SCAF11: variants seen among roughly 807,000 people sequenced by gnomAD.
SCAF11 encodes the protein protein SCAF11.
In SCAF11, 47 loss-of-function variants were observed where a neutral mutation model predicts 140.5. The observed-to-expected ratio is 0.33, with a 90% confidence interval of 0.26 to 0.43. The LOEUF is 0.43. SCAF11 is among the 20% of genes least tolerant of loss of function. SCAF11 has a pLI of 1.00. For synonymous variants in SCAF11, 557 were observed against 579.4 expected (o/e 0.96, Z 0.55); for missense variants, 1,645 against 1,705.1 (o/e 0.96, Z 0.62).
intron 6 of SCAF11, among the ~76,000 whole-genome samples, chr12:45,940,694 ACTTC>A (rs1945275317): frequency 6.6e-6 from 1 of 152,242 alleles, no homozygotes; most frequent in Non-Finnish European, 1.5e-5. Context: ...CTTTTGGAAT[ACTTC>A]AACCAGGTTA....
chr12:45,934,655 C>T (rs777394821), intron 6 of SCAF11, 150 bp from the exon 7 acceptor site: 4 of 480,264 alleles, frequency 8.3e-6, no homozygotes, highest in Non-Finnish European at 1.4e-5. Flanking sequence ...CACAATTTTC[C>T]CAAATGCTGA....
rs749686159 is a variant in SCAF11 at position 45,927,107 on chromosome 12, C to A, written c.2594G>T (p.Arg865Leu). Residue 865 changes from arginine (R) to leucine (L), a missense_variant, in exon 11 of 15, where the codon CGG (arginine) becomes CTG (leucine). Arg to Leu is a moderately radical substitution (Grantham distance 102, BLOSUM62 -2). Coordinates refer to ENST00000369367, the MANE Select transcript of SCAF11 (RefSeq NM_004719.3). ...CCTAGTAGTATCCCTTTTTGGAGAC[C>A]GAGACTGAGATTGCCTCCTTTCTCT... The part of the protein sequence containing the change: ...IARERRQSQS[R>L]SPKRDTTRES... 3 of 1,613,880 alleles carry A rather than the reference C, an allele frequency of 1.9e-6. No individual in the cohort carries two copies. Among genetic ancestry groups the A allele is most frequent in the Non-Finnish European group, 2.5e-6 (3 of 1,179,950 alleles).
rs928721193 is a variant in SCAF11 at position 45,951,554 on chromosome 12, G to C, written c.297+96C>G. ...ATTAAAATAACATATTAAACCTTAA[G>C]TTGAACAATTTTCAAATATACACAA... On this transcript the variant is annotated intron_variant, in intron 4 of 14. Transcript: ENST00000369367. The C allele has an allele frequency of 3.9e-6, 3 of 772,454 alleles. No individual in the cohort carries two copies. The African/African-American group carries it at 5.2e-5, about 13-fold the overall frequency. The allele number at this position is 772,454 out of a possible 1,614,324, so 47.8% of individuals were successfully genotyped here. A position where few individuals can be genotyped will look rare whatever the true frequency, so the allele number is the denominator to read the frequency against.
At chr12:45,956,096 C>T (rs1945685879) in intron 3 of SCAF11, 1 of 715,140 alleles carries the variant, frequency 1.4e-6, no homozygotes, top group Admixed American at 2.0e-5. Context: ...AACAAGAAAC[C>T]TTCCTTATTT....
At chr12:45,979,025 C>T (rs969568854) in intron 1 of SCAF11, among the ~76,000 whole-genome samples, 4 of 151,732 alleles carry the variant, frequency 2.6e-5, no homozygotes, top group Non-Finnish European at 2.9e-5. Flanking sequence ...GGTGAGGATC[C>T]GGTCCCTGCT....
At chr12:45,955,844 C>T in intron 3 of SCAF11, 1 of 303,300 alleles carries the variant, frequency 3.3e-6, no homozygotes. Flanking sequence ...AGTCTAATAA[C>T]ATCATTGGCT....
rs1195897123 is a variant in SCAF11 at position 45,927,222 on chromosome 12, T to C, written c.2479A>G (p.Ser827Gly). 6.2e-7 allele frequency: 1 copy of C among 1,614,178 alleles called. No individual in the cohort carries two copies. The highest frequency in any genetic ancestry group is 1.7e-5 in the Admixed American group (1 of 60,020). Residue 827 changes from serine to glycine, a missense_variant, in exon 11 of 15, where the codon AGC becomes GGC. Physicochemically the swap from Ser to Gly is moderately conservative, Grantham distance 56. Transcript: ENST00000369367. Reference protein sequence around the residue: ...PSPRRETGKESRKSQSPSPKN... With the variant: ...PSPRRETGKEGRKSQSPSPKN... ...GGAGATGGTGATTGAGACTTCCTGC[T>C]TTCTTTCCCAGTTTCTCTTCTGGGA... is the stretch of plus-strand genomic sequence containing the variant.
intron 6 of SCAF11, among the ~76,000 whole-genome samples, chr12:45,938,759 T>A (rs765720864): frequency 4.0e-5 from 6 of 150,792 alleles, no homozygotes; most frequent in Non-Finnish European, 8.8e-5. Flanking sequence ...AACCCAGTAC[T>A]TGGCAGGCAT....
chr12:45,977,956 G>A (rs1429918248), intron 1 of SCAF11, among the ~76,000 whole-genome samples: 2 of 152,080 alleles, frequency 1.3e-5, no homozygotes, highest in Admixed American at 1.3e-4. Flanking sequence ...TGATAGCATG[G>A]GTGATCACCA....
chr12:45,956,078 A>T (rs1319443289), intron 3 of SCAF11: 8 of 713,078 alleles, frequency 1.1e-5, no homozygotes, highest in Non-Finnish European at 2.1e-5. Flanking sequence ...CCCACATTTA[A>T]ATGTAAGAAC....
chr12:45,974,013 T>A (rs891825516), intron 1 of SCAF11, among the ~76,000 whole-genome samples: 1 of 152,188 alleles, frequency 6.6e-6, no homozygotes, highest in African/African-American at 2.4e-5. Flanking sequence ...TACAGGCATA[T>A]ATACCTCAAA....
At chr12:45,970,299 C>T (rs567100929) in intron 1 of SCAF11, among the ~76,000 whole-genome samples, 21 of 152,134 alleles carry the variant, frequency 1.4e-4, no homozygotes, top group African/African-American at 3.9e-4. Context: ...CCTAAAATGC[C>T]GGGATTACAA....
chr12:45,972,219 C>T (rs980558580), intron 1 of SCAF11, among the ~76,000 whole-genome samples: 1 of 152,088 alleles, frequency 6.6e-6, no homozygotes, highest in Admixed American at 6.5e-5. Context: ...AGTTAAAAAA[C>T]TACAACCTAC....
At chr12:45,932,034 T>C (rs1421513147) in intron 9 of SCAF11, among the ~76,000 whole-genome samples, 1 of 151,944 alleles carries the variant, frequency 6.6e-6, no homozygotes, top group Non-Finnish European at 1.5e-5. Context: ...TTTACCAAAG[T>C]GTGTGCATAT....
intron 6 of SCAF11, 26 bp downstream of exon 6, chr12:45,945,223 G>C: frequency 1.4e-6 from 2 of 1,408,794 alleles, no homozygotes. Context: ...AAAAAAGGTA[G>C]AATCCACAAG....
chr12:45,951,761 A>G, intron 3 of SCAF11, 34 bp from the exon 4 acceptor site: 2 of 1,337,292 alleles, frequency 1.5e-6, no homozygotes, highest in Non-Finnish European at 2.1e-6. Flanking sequence ...ATCTTTACAA[A>G]TGTTTCTTTA....
chr12:45,991,813 T>C, upstream of SCAF11: 1 of 1,111,250 alleles, frequency 9.0e-7, no homozygotes, highest in Non-Finnish European at 1.1e-6. Flanking sequence ...GACCTTCCAG[T>C]CCTCCCACCC....
intron 12 of SCAF11, among the ~76,000 whole-genome samples, chr12:45,924,232 C>CTT (rs1421116026): frequency 6.6e-6 from 1 of 152,186 alleles, no homozygotes; most frequent in Non-Finnish European, 1.5e-5. Flanking sequence ...CACAGAGGCA[C>CTT]TTCTCCTTTC....
chr12:45,926,448 T>C lies in SCAF11; in HGVS notation c.3253A>G (p.Ser1085Gly). The change falls in exon 11 of 15, where the codon AGT (serine) becomes GGT (glycine). Residue 1085 changes from serine to glycine, a missense_variant. Ser to Gly is a moderately conservative substitution (Grantham distance 56). Around this residue, in one of 2 missense-constraint regions of SCAF11, gnomAD observed 1,582 missense variants for 1,609.2 expected, o/e 0.98. Transcript: ENST00000369367. ...TTCTGATCTTTATAGGCAAAACTAC[T>C]TCTGTAAGTGCCTCTGCCACGGTTG... ...RGNRGRGTYR[S>G]SFAYKDQNEN... 1 of 1,614,234 alleles carries C rather than the reference T, an allele frequency of 6.2e-7. No homozygotes were observed. The highest frequency in any genetic ancestry group is 1.1e-5 in the South Asian group (1 of 91,082).
Sources: allele counts gnomAD v4.1 joint callset (sites outside exome capture counted in the v4.1 genomes callset), GRCh38; gene constraint gnomAD v4.1.1; regional missense constraint gnomAD v4.1.1; transcripts MANE v1.5; gene names NCBI Gene and HGNC (gene_info 2026-07-23, HGNC 2026-07-21).